The following GRAP2 variants were observed in gnomAD, a reference collection of about 807,000 sequenced individuals.
The protein encoded by GRAP2 is GRB2-related adapter protein 2.
Under a neutral mutation model 43.5 loss-of-function variants are expected in GRAP2, and 31 were observed. That is an observed-to-expected ratio of 0.71 (90% confidence interval 0.54 to 0.96). GRAP2 has a LOEUF of 0.96. GRAP2 is among the 40% of genes least tolerant of loss of function. The pLI, the probability that GRAP2 is intolerant of heterozygous loss-of-function variation, is 0.00. For missense variants in GRAP2, 371 were observed against 424.4 expected, an observed-to-expected ratio of 0.87 and a Z score of 1.11; for synonymous variants, 156 against 164.8, an observed-to-expected ratio of 0.95 and a Z score of 0.41.
chr22:39,966,095 C>A lies in GRAP2; in HGVS notation c.396C>A (p.Tyr132Ter). The change falls in exon 5 of 8, where the codon TAC becomes TAA. Residue 132 changes from tyrosine to a stop codon, truncating the protein, a stop_gained. Transcript: ENST00000344138. LOFTEE classifies it high-confidence loss of function. ...FPSLNKLVDY[Y>*]RTNSISRQKQ... ...CCCTAAATAAGCTGGTAGACTACTA[C>A]AGGACAAATTCCATCTCCAGACAGA... is the stretch of plus-strand genomic sequence containing the variant. 6.2e-7 allele frequency: 1 copy of A among 1,613,778 alleles called. No individual in the cohort carries two copies. Among genetic ancestry groups the A allele is most frequent in the Non-Finnish European group, 8.5e-7 (1 of 1,179,640 alleles).
At chr22:39,939,968 A>T (rs529798320) in intron 1 of GRAP2, among the ~76,000 whole-genome samples, 1 of 152,244 alleles carries the variant, frequency 6.6e-6, no homozygotes, top group East Asian at 1.9e-4. Context: ...CTACCTGCAC[A>T]CTTTATGTGG....
Position 39,960,153 on chromosome 22 carries a change from G to C in GRAP2, c.269G>C (p.Gly90Ala), listed in dbSNP as rs753165418. 6.2e-7 allele frequency: 1 copy of C among 1,613,766 alleles called. No individual in the cohort carries two copies. Among genetic ancestry groups the C allele is most frequent in the South Asian group, 1.1e-5 (1 of 91,076 alleles). Residue 90 changes from glycine to alanine, a missense_variant, in exon 4 of 8, where the codon GGG becomes GCG. Physicochemically the swap from Gly to Ala is moderately conservative, Grantham distance 60 (BLOSUM62 0). Coordinates refer to ENST00000344138, the MANE Select transcript of GRAP2 (RefSeq NM_004810.4). Reference sequence around the variant, plus strand: ...ATCCGGGCCAGCCAGAGCTCCCCAGGGGACTTCTCCATCTCTGTCAGGTAC... The same window carrying C: ...ATCCGGGCCAGCCAGAGCTCCCCAGCGGACTTCTCCATCTCTGTCAGGTAC... ...FIIRASQSSP[G>A]DFSISVRHED...
At chr22:39,928,063 C>A (rs2066722619) in intron 1 of GRAP2, among the ~76,000 whole-genome samples, 1 of 152,224 alleles carries the variant, frequency 6.6e-6, no homozygotes, top group Admixed American at 6.5e-5. Flanking sequence ...CTTTCTGCGA[C>A]CATTTTCCTC....
chr22:39,970,898 C>G lies in GRAP2; in HGVS notation c.814-7C>G. 1 of 1,594,608 alleles carries G rather than the reference C, an allele frequency of 6.3e-7. No individual in the cohort carries two copies. The highest frequency in any genetic ancestry group is 8.5e-7 in the Non-Finnish European group (1 of 1,170,850). Reference sequence around the variant, plus strand: ...CAGCAGAGCCTCTTCTGTGCTTCCCCCAACAGCGAGTGCGGTGGGCCCGGG... The same window carrying G: ...CAGCAGAGCCTCTTCTGTGCTTCCCGCAACAGCGAGTGCGGTGGGCCCGGG... On this transcript the variant is annotated splice_polypyrimidine_tract_variant and splice_region_variant and intron_variant, in intron 7 of 7. Transcript: ENST00000344138.
chr22:39,973,172 A>G lies in GRAP2; in HGVS notation c.*2088A>G, dbSNP rs916730317. 2.0e-5 allele frequency: 3 copies of G among 152,260 alleles called. No homozygotes were observed. The highest frequency in any genetic ancestry group is 2.9e-5 in the Non-Finnish European group (2 of 68,046). 9.4% of individuals were successfully genotyped at this position (152,260 alleles called of 1,614,324 possible). A position where few individuals can be genotyped will look rare whatever the true frequency, so the allele number is the denominator to read the frequency against. ...CATAAGTAATGTTTGATTTTACAGT[A>G]TTTACAAACCATATGCTTTAAACAG... On this transcript the variant is annotated 3_prime_UTR_variant, in exon 8 of 8. Coordinates refer to ENST00000344138, the MANE Select transcript of GRAP2 (RefSeq NM_004810.4).
chr22:39,894,064 T>C, the GRAP2 span, among the ~76,000 whole-genome samples: 1 of 151,326 alleles, frequency 6.6e-6, no homozygotes, highest in Non-Finnish European at 1.5e-5. Flanking sequence ...ATTTACTAAA[T>C]GTTCACAACG....
intron 5 of GRAP2, among the ~76,000 whole-genome samples, chr22:39,967,308 A>G (rs2067184700): frequency 6.6e-6 from 1 of 152,352 alleles, no homozygotes. Flanking sequence ...GAATCACTCT[A>G]ACCAGGAAAC....
chr22:39,893,920 G>A, the GRAP2 span: 1 of 152,104 alleles, frequency 6.6e-6, no homozygotes, highest in Non-Finnish European at 1.5e-5. Flanking sequence ...AGGCTGCCGG[G>A]CTGTGACACT....
At chr22:39,912,242 G>A (rs533934156) in intron 1 of GRAP2, among the ~76,000 whole-genome samples, 4 of 152,134 alleles carry the variant, frequency 2.6e-5, no homozygotes, top group South Asian at 2.1e-4. Flanking sequence ...GCAACATAGC[G>A]AGATCACATC....
rs1205212324 is a variant in GRAP2, at chr22:39,971,332, G to A, written c.*248G>A. 2 of 479,192 alleles carry A rather than the reference G, an allele frequency of 4.2e-6. No homozygotes were observed. The highest frequency in any genetic ancestry group is 2.0e-5 in the African/African-American group (1 of 49,018). The allele number at this position is 479,192 out of a possible 1,614,324, so 29.7% of individuals were successfully genotyped here. On this transcript the variant is annotated 3_prime_UTR_variant, in exon 8 of 8. Coordinates refer to ENST00000344138, the MANE Select transcript of GRAP2 (RefSeq NM_004810.4). ...CCCTCAGGGGTGTGTGGAAGGCAGT[G>A]GGGGAGTTGGGAGGGGGGCAGGGAA... is the stretch of plus-strand genomic sequence containing the variant.
At chr22:39,941,331 A>C (rs1017338358) in intron 1 of GRAP2, among the ~76,000 whole-genome samples, 1 of 152,112 alleles carries the variant, frequency 6.6e-6, no homozygotes, top group Non-Finnish European at 1.5e-5. Context: ...CTCCCATCCC[A>C]CGGATGTGGA....
At chr22:39,942,289 C>A (rs1370570403) in intron 1 of GRAP2, among the ~76,000 whole-genome samples, 1 of 152,132 alleles carries the variant, frequency 6.6e-6, no homozygotes, top group Non-Finnish European at 1.5e-5. Flanking sequence ...GCGGCACTCT[C>A]CTCTACTGTC....
chr22:39,904,872 G>A (rs943900828), intron 1 of GRAP2, among the ~76,000 whole-genome samples: 1 of 152,174 alleles, frequency 6.6e-6, no homozygotes, highest in East Asian at 1.9e-4. Flanking sequence ...TTCTGAATTC[G>A]TTGTTGCCTC....
chr22:39,947,350 T>C lies in GRAP2; in HGVS notation c.78+166T>C, dbSNP rs568549059. The C allele has an allele frequency of 2.2e-3, 1,375 of 615,960 alleles. 2 individuals carry two copies. Among genetic ancestry groups the C allele is most frequent in the Non-Finnish European group, 3.4e-3 (1,126 of 335,640 alleles). The allele number at this position is 615,960 out of a possible 1,614,324, so 38.2% of individuals were successfully genotyped here. On this transcript the variant is annotated intron_variant, in intron 2 of 7. Coordinates refer to ENST00000344138, the MANE Select transcript of GRAP2 (RefSeq NM_004810.4). ...TATACCAGACACCAACCAGGCCGGGTGATGGAAATACAGTCGGCATAAGCC... is the reference window on the plus strand; with the variant it reads ...TATACCAGACACCAACCAGGCCGGGCGATGGAAATACAGTCGGCATAAGCC...
At chr22:39,913,594 CT>C (rs1269775682) in intron 1 of GRAP2, among the ~76,000 whole-genome samples, 2 of 152,110 alleles carry the variant, frequency 1.3e-5, no homozygotes, top group African/African-American at 4.8e-5. Context: ...GCATGGTTGA[CT>C]TGCAAGAAGG....
rs554115583 is a variant in GRAP2 at position 39,955,788 on chromosome 22, A to G, written c.79-31A>G. 9.6e-6 allele frequency: 11 copies of G among 1,144,310 alleles called. No homozygotes were observed. The East Asian group carries it at 2.1e-4, about 22-fold the overall frequency. The allele number at this position is 1,144,310 out of a possible 1,614,324, so 70.9% of individuals were successfully genotyped here. On this transcript the variant is annotated intron_variant, in intron 2 of 7. Coordinates refer to ENST00000344138, the MANE Select transcript of GRAP2 (RefSeq NM_004810.4). ...TTGTTTTTTTGGTGTCCTCCCTCCA[A>G]TGTCTTTGTCTTTCCTTTTCTTCCA...
intron 2 of GRAP2, among the ~76,000 whole-genome samples, chr22:39,950,083 C>T (rs866343831): frequency 1.1e-4 from 17 of 152,130 alleles, no homozygotes; most frequent in East Asian, 3.9e-4. Flanking sequence ...GTAGATGTAA[C>T]GCCCCCAGGT....
upstream of GRAP2, among the ~76,000 whole-genome samples, chr22:39,899,293 A>G (rs2066477875): frequency 6.6e-6 from 1 of 152,228 alleles, no homozygotes. Context: ...CTTCCTCATT[A>G]GGGTACAAGC....
At chr22:39,969,601 G>A in intron 7 of GRAP2, 68 bp downstream of exon 7, 3 of 1,537,950 alleles carry the variant, frequency 2.0e-6, no homozygotes, top group Non-Finnish European at 2.7e-6. Flanking sequence ...TGGAGGAGAT[G>A]AGGCAGGAGA....
Sources: gnomAD v4.1 joint callset for allele counts (sites outside exome capture counted in the v4.1 genomes callset) on GRCh38, gnomAD v4.1.1 for gene constraint, MANE v1.5 for transcripts, NCBI Gene and HGNC (gene_info 2026-07-23, HGNC 2026-07-21) for gene names.